The following RNF152 variants were observed in gnomAD, a reference collection of about 807,000 sequenced individuals.
RNF152 encodes the protein E3 ubiquitin-protein ligase RNF152.
In RNF152, 11 loss-of-function variants were observed where a neutral mutation model predicts 12.7. That is an observed-to-expected ratio of 0.86 (90% confidence interval 0.54 to 1.43). The LOEUF is 1.43. Ranked by LOEUF, RNF152 falls within the 40% of genes most tolerant of loss-of-function variation. The pLI, the probability that RNF152 is intolerant of heterozygous loss-of-function variation, is 0.00. For missense variants in RNF152, 255 were observed against 274.8 expected (o/e 0.93, Z 0.51); for synonymous variants, 113 against 120.3 (o/e 0.94, Z 0.40).
chr18:61,837,426 T>G (rs4424997), intron 1 of RNF152, among the ~76,000 whole-genome samples: 2 of 152,322 alleles, frequency 1.3e-5, no homozygotes, highest in East Asian at 3.9e-4. Context: ...TGTAAGAGAA[T>G]GTCCTTATTA....
In RNF152 at chr18:61,890,741, G is replaced by T. The variant is rs148282629; in HGVS notation, c.-136+2054C>A. On this transcript the variant is annotated intron_variant, in intron 1 of 1. Coordinates refer to ENST00000312828, the MANE Select transcript of RNF152 (RefSeq NM_173557.3). ...CAGGAACTGAACACTACCTTGAAAA[G>T]CAGAGGGTGCTGACAGCATAGGTGG... Among the ~76,000 whole-genome samples the T allele has an allele frequency of 1.1e-3, 170 of 152,332 alleles. 2 individuals are homozygous for T. Among genetic ancestry groups the T allele is most frequent in the African/African-American group, 4.0e-3 (165 of 41,580 alleles).
chr18:61,860,798 T>C (rs1911442020), intron 1 of RNF152, among the ~76,000 whole-genome samples: 1 of 152,210 alleles, frequency 6.6e-6, no homozygotes, highest in African/African-American at 2.4e-5. Flanking sequence ...CTGAAGACCT[T>C]CCAATGGGAC....
chr18:61,848,960 C>G (rs989810887), intron 1 of RNF152, among the ~76,000 whole-genome samples: 9 of 152,168 alleles, frequency 5.9e-5, no homozygotes, highest in Non-Finnish European at 4.4e-5. Context: ...AAACCAATAG[C>G]CCGTGGAGAT....
At chr18:61,849,159 CAG>C (rs1204713880) in intron 1 of RNF152, among the ~76,000 whole-genome samples, 1 of 152,158 alleles carries the variant, frequency 6.6e-6, no homozygotes, top group African/African-American at 2.4e-5. Flanking sequence ...GGTGGAGAAA[CAG>C]GGGAGTACTG....
At chr18:61,890,202 G>C (rs1344350275) in intron 1 of RNF152, among the ~76,000 whole-genome samples, 1 of 152,172 alleles carries the variant, frequency 6.6e-6, no homozygotes, top group Non-Finnish European at 1.5e-5. Context: ...CACTGAGCTA[G>C]GTCCCATAGG....
At position 61,821,596 on chromosome 18, in the gene RNF152, C is replaced by A. The variant is rs868749722; in HGVS notation, c.-135-4998G>T. 4.6e-5 allele frequency among the ~76,000 whole-genome samples: 7 copies of A among 152,160 alleles called. No homozygotes were observed. The South Asian group carries it at 1.0e-3, about 23-fold the overall frequency. On this transcript the variant is annotated intron_variant, in intron 1 of 1. Transcript: ENST00000312828. The stretch of plus-strand genomic sequence containing the variant: ...AAGAAATTCAGAGTTCCCTGTCAAG[C>A]GTGTTATAATAAACACATATCAGTG...
intron 1 of RNF152, among the ~76,000 whole-genome samples, chr18:61,867,110 T>C (rs1911768836): frequency 6.6e-6 from 1 of 152,122 alleles, no homozygotes; most frequent in South Asian, 2.1e-4. Context: ...CTGTGGCAGA[T>C]TTTAAATCAG....
intron 1 of RNF152, among the ~76,000 whole-genome samples, chr18:61,821,836 C>T (rs1909429769): frequency 6.6e-6 from 1 of 152,226 alleles, no homozygotes; most frequent in African/African-American, 2.4e-5. Context: ...AGACTGCACA[C>T]TCTTTATGAG....
chr18:61,852,143 G>A lies in RNF152; in HGVS notation c.-135-35545C>T, dbSNP rs528765669. ...CAATTTTCAAAAACCGTGGCTTCTG[G>A]AAACAGTGGTTCCAAAGGAAAACAT... On this transcript the variant is annotated intron_variant, in intron 1 of 1. Transcript: ENST00000312828. 9.2e-5 allele frequency among the ~76,000 whole-genome samples: 14 copies of A among 152,292 alleles called. No homozygotes were observed. The South Asian group carries it at 2.9e-3, about 32-fold the overall frequency.
In RNF152 at chr18:61,814,658, A is replaced by T. The variant is rs932407774; in HGVS notation, c.*1194T>A. 2.0e-5 allele frequency: 3 copies of T among 152,232 alleles called. No individual in the cohort carries two copies. Among genetic ancestry groups the T allele is most frequent in the Non-Finnish European group, 4.4e-5 (3 of 68,036 alleles). The allele number at this position is 152,232 out of a possible 1,614,324, so 9.4% of individuals were successfully genotyped here. On this transcript the variant is annotated 3_prime_UTR_variant, in exon 2 of 2. Coordinates refer to ENST00000312828, the MANE Select transcript of RNF152 (RefSeq NM_173557.3). Reference sequence around the variant, plus strand: ...GTTAAAATACAGGAGATCTTCTCTCATATCAACAAGAGGAAACAGGAATTC... The same window carrying T: ...GTTAAAATACAGGAGATCTTCTCTCTTATCAACAAGAGGAAACAGGAATTC...
Position 61,814,782 on chromosome 18 carries a change from T to C in RNF152, c.*1070A>G, listed in dbSNP as rs1052597499. ...GGTTGACCATCAGTCACAACACTCA[T>C]GGCCAGTGCAAGACTCCAAAACCAG... On this transcript the variant is annotated 3_prime_UTR_variant, in exon 2 of 2. Transcript: ENST00000312828. 3 of 152,196 alleles carry C rather than the reference T, an allele frequency of 2.0e-5. No homozygotes were observed. Among genetic ancestry groups the C allele is most frequent in the Admixed American group, 6.5e-5 (1 of 15,274 alleles). 9.4% of individuals were successfully genotyped at this position (152,196 alleles called of 1,614,324 possible).
At chr18:61,844,483 C>T (rs1442887354) in intron 1 of RNF152, among the ~76,000 whole-genome samples, 4 of 152,176 alleles carry the variant, frequency 2.6e-5, no homozygotes, top group African/African-American at 4.8e-5. Flanking sequence ...TCCATTATGT[C>T]GATCTGGTGG....
intron 1 of RNF152, among the ~76,000 whole-genome samples, chr18:61,859,399 C>A (rs1159026072): frequency 1.3e-5 from 2 of 152,196 alleles, no homozygotes; most frequent in East Asian, 3.9e-4. Flanking sequence ...GGGCTCCCAA[C>A]ACATGCGTCA....
At chr18:61,863,888 C>T (rs1911610493) in intron 1 of RNF152, among the ~76,000 whole-genome samples, 1 of 152,178 alleles carries the variant, frequency 6.6e-6, no homozygotes, top group Non-Finnish European at 1.5e-5. Flanking sequence ...AGCTGAACAG[C>T]ACTGATGATA....
rs200569440 is a variant in RNF152 at position 61,847,184 on chromosome 18, T to C, written c.-135-30586A>G. On this transcript the variant is annotated intron_variant, in intron 1 of 1. Coordinates refer to ENST00000312828, the MANE Select transcript of RNF152 (RefSeq NM_173557.3). ...TCAGAAATAAATAAAAAGCAAGAAGTGGAGAGAACAACACAAAAAAAGAGG... is the reference window on the plus strand; with the variant it reads ...TCAGAAATAAATAAAAAGCAAGAAGCGGAGAGAACAACACAAAAAAAGAGG... 3.4e-5 allele frequency among the ~76,000 whole-genome samples: 5 copies of C among 148,448 alleles called. No homozygotes were observed. In the East Asian group the frequency reaches 9.8e-4, roughly 29 times the overall value.
chr18:61,829,528 G>A (rs1028332445), intron 1 of RNF152, among the ~76,000 whole-genome samples: 1 of 150,002 alleles, frequency 6.7e-6, no homozygotes, highest in Non-Finnish European at 1.5e-5. Context: ...AGGGGAGGGA[G>A]AGAGAGAGAG....
chr18:61,835,617 A>G lies in RNF152; in HGVS notation c.-135-19019T>C, dbSNP rs539927454. Among the ~76,000 whole-genome samples the G allele has an allele frequency of 1.2e-4, 19 of 152,330 alleles. No homozygotes were observed. In the South Asian group the frequency reaches 2.1e-3, roughly 17 times the overall value. On this transcript the variant is annotated intron_variant, in intron 1 of 1. Coordinates refer to ENST00000312828, the MANE Select transcript of RNF152 (RefSeq NM_173557.3). ...ACATATCAAAAATAATAAATTAAAA[A>G]GGATAAACAAAATCAAACCCTAAAA...
rs1908826071 is a variant in RNF152 at position 61,811,961 on chromosome 18, G to A, written c.*3891C>T. On this transcript the variant is annotated 3_prime_UTR_variant, in exon 2 of 2. Coordinates refer to ENST00000312828, the MANE Select transcript of RNF152 (RefSeq NM_173557.3). ...CTTGGCCTAAAATCTATAAGCAACA[G>A]TTCCAAAGGGCAACAATGAATTTTT... 1 of 152,136 alleles carries A rather than the reference G, an allele frequency of 6.6e-6. No homozygotes were observed. The highest frequency in any genetic ancestry group is 6.5e-5 in the Admixed American group (1 of 15,280). The allele number at this position is 152,136 out of a possible 1,614,324, so 9.4% of individuals were successfully genotyped here.
chr18:61,830,239 T>C (rs1019548284), intron 1 of RNF152, among the ~76,000 whole-genome samples: 1 of 152,072 alleles, frequency 6.6e-6, no homozygotes, highest in African/African-American at 2.4e-5. Flanking sequence ...TTGGCCAGGC[T>C]GGTCTTGAAC....
Sources: allele counts gnomAD v4.1 joint callset (sites outside exome capture counted in the v4.1 genomes callset), GRCh38; gene constraint gnomAD v4.1.1; transcripts MANE v1.5; gene names NCBI Gene and HGNC (gene_info 2026-07-23, HGNC 2026-07-21).